Variants in ARFIP1 observed in about 807,000 individuals in gnomAD.
The protein encoded by ARFIP1 is ARF interacting protein 1.
A neutral mutation model predicts 42.5 loss-of-function variants in ARFIP1; 24 were observed. That is an observed-to-expected ratio of 0.57 (90% confidence interval 0.41 to 0.80). The LOEUF is 0.80. Ranked by LOEUF, ARFIP1 falls within the 30% of genes least tolerant of loss-of-function variation. The pLI, the probability that ARFIP1 is intolerant of heterozygous loss-of-function variation, is 0.00. For missense variants in ARFIP1, 354 were observed against 434.0 expected (o/e 0.82, Z 1.64); for synonymous variants, 141 against 153.7 (o/e 0.92, Z 0.61).
chr4:152,897,823 G>C (rs1737472070), intron 8 of ARFIP1, among the ~76,000 whole-genome samples: 2 of 152,132 alleles, frequency 1.3e-5, no homozygotes, highest in Non-Finnish European at 2.9e-5. Flanking sequence ...TGCTGTTGAT[G>C]ATGGTACTGG....
chr4:152,809,050 C>T (rs930455762), intron 1 of ARFIP1, among the ~76,000 whole-genome samples: 2 of 147,594 alleles, frequency 1.4e-5, no homozygotes, highest in African/African-American at 5.0e-5. Context: ...AGACCCGTCT[C>T]AAAAAAAAAA....
chr4:152,877,374 G>A (rs1203658533), intron 5 of ARFIP1, among the ~76,000 whole-genome samples: 2 of 152,096 alleles, frequency 1.3e-5, no homozygotes. Flanking sequence ...GATGGATTTT[G>A]GACTACATGG....
intron 1 of ARFIP1, among the ~76,000 whole-genome samples, chr4:152,799,734 C>A (rs1403460375): frequency 1.3e-5 from 2 of 151,942 alleles, no homozygotes; most frequent in Non-Finnish European, 2.9e-5. Flanking sequence ...CTGAATCTAT[C>A]CTGTTGAGAG....
chr4:152,901,348 G>T (rs558268866), intron 8 of ARFIP1, among the ~76,000 whole-genome samples: 1 of 152,272 alleles, frequency 6.6e-6, no homozygotes, highest in Non-Finnish European at 1.5e-5. Context: ...TCATCTATCA[G>T]TTCTGCTCTT....
rs150569697 is a variant in ARFIP1, at chr4:152,871,756, T to C, written c.299-696T>C. The stretch of plus-strand genomic sequence containing the variant: ...AGAACTATATAGTTGTAGAGTTGCT[T>C]TCATATCAAAAATTCTTAATTGTTG... On this transcript the variant is annotated intron_variant, in intron 4 of 8. Transcript: ENST00000353617. Among the ~76,000 whole-genome samples, 812 of 152,210 alleles carry C rather than the reference T, an allele frequency of 5.3e-3. 9 individuals are homozygous for C. Among genetic ancestry groups the C allele is most frequent in the African/African-American group, 0.019 (780 of 41,558 alleles).
At chr4:152,857,162 TC>T (rs1185323252) in intron 2 of ARFIP1, among the ~76,000 whole-genome samples, 1 of 152,218 alleles carries the variant, frequency 6.6e-6, no homozygotes, top group Non-Finnish European at 1.5e-5. Context: ...AAGGGCGTTG[TC>T]CTGTGACAAG....
At chr4:152,892,598 A>G (rs1404492242) in intron 8 of ARFIP1, among the ~76,000 whole-genome samples, 1 of 152,166 alleles carries the variant, frequency 6.6e-6, no homozygotes, top group Non-Finnish European at 1.5e-5. Flanking sequence ...TATAAAATTG[A>G]TGTGTTTATA....
chr4:152,908,665 C>A (rs1738572955), intron 8 of ARFIP1, among the ~76,000 whole-genome samples: 1 of 151,976 alleles, frequency 6.6e-6, no homozygotes, highest in African/African-American at 2.4e-5. Context: ...CAATCTTTTT[C>A]TTTATAATTT....
intron 1 of ARFIP1, among the ~76,000 whole-genome samples, chr4:152,815,983 T>A (rs574598533): frequency 1.2e-3 from 180 of 151,962 alleles, no homozygotes; most frequent in African/African-American, 4.2e-3. Context: ...TGACCTCGTG[T>A]TCCGCCCGCC....
intron 1 of ARFIP1, among the ~76,000 whole-genome samples, chr4:152,792,864 G>A (rs1411515219): frequency 6.6e-6 from 1 of 152,094 alleles, no homozygotes; most frequent in Non-Finnish European, 1.5e-5. Context: ...AGAGTTGGAT[G>A]GATTTTAAAC....
intron 3 of ARFIP1, 55 bp downstream of exon 3, chr4:152,863,769 C>T: frequency 9.3e-7 from 1 of 1,080,862 alleles, no homozygotes; most frequent in Non-Finnish European, 1.4e-6. Context: ...GAGAAGTTCA[C>T]CAAATGCTAC....
At chr4:152,882,994 T>C in intron 7 of ARFIP1, 114 bp downstream of exon 7, 1 of 1,136,992 alleles carries the variant, frequency 8.8e-7, no homozygotes. Context: ...AGGAAAAAAA[T>C]GTACTGGAAA....
intron 1 of ARFIP1, among the ~76,000 whole-genome samples, chr4:152,821,687 G>A (rs1294078673): frequency 6.6e-6 from 1 of 152,156 alleles, no homozygotes; most frequent in Non-Finnish European, 1.5e-5. Flanking sequence ...AGGGCATATA[G>A]TCATCAGGCT....
At chr4:152,781,569 C>G (rs150247768) in intron 1 of ARFIP1, among the ~76,000 whole-genome samples, 1 of 152,176 alleles carries the variant, frequency 6.6e-6, no homozygotes, top group Admixed American at 6.5e-5. Context: ...TCTCTCAGAG[C>G]GGCTACAGAT....
rs1048731931 is a variant in ARFIP1, at chr4:152,828,185, T to C, written c.-9-1440T>C. 3.9e-5 allele frequency among the ~76,000 whole-genome samples: 6 copies of C among 152,248 alleles called. No homozygotes were observed. The South Asian group carries it at 1.0e-3, about 26-fold the overall frequency. ...GCTGTAAACATCTGTGTGTAAATTT[T>C]TCTGTGGGTAAGTAAGTTTTCAGTT... is the stretch of plus-strand genomic sequence containing the variant. On this transcript the variant is annotated intron_variant, in intron 1 of 8. Transcript: ENST00000353617.
rs977764165 is a variant in ARFIP1 at position 152,910,500 on chromosome 4, C to T, written c.*281C>T. 3 of 246,282 alleles carry T rather than the reference C, an allele frequency of 1.2e-5. No homozygotes were observed. Among genetic ancestry groups the T allele is most frequent in the African/African-American group, 2.2e-5 (1 of 44,536 alleles). 15.3% of individuals were successfully genotyped at this position (246,282 alleles called of 1,614,324 possible). A position where few individuals can be genotyped will look rare whatever the true frequency, so the allele number is the denominator to read the frequency against. On this transcript the variant is annotated 3_prime_UTR_variant, in exon 9 of 9. Transcript: ENST00000353617. ...GGCTATTTCTGTAGTTTGAAAACAT[C>T]TAATAGAGATTTGCACTGACAAGAT...
At chr4:152,903,091 A>G (rs1737984339) in intron 8 of ARFIP1, among the ~76,000 whole-genome samples, 1 of 152,320 alleles carries the variant, frequency 6.6e-6, no homozygotes, top group Non-Finnish European at 1.5e-5. Context: ...AATAACCAAA[A>G]TGTTCTGAGG....
At chr4:152,902,502 G>A (rs1400993085) in intron 8 of ARFIP1, among the ~76,000 whole-genome samples, 3 of 152,110 alleles carry the variant, frequency 2.0e-5, no homozygotes, top group Non-Finnish European at 2.9e-5. Flanking sequence ...ACCCTGTCTC[G>A]GGTCTCGGGG....
intron 2 of ARFIP1, among the ~76,000 whole-genome samples, chr4:152,843,660 T>C (rs941766228): frequency 6.6e-6 from 1 of 152,122 alleles, no homozygotes; most frequent in South Asian, 2.1e-4. Flanking sequence ...GGATTATGGC[T>C]GCCTCTGCTG....
Sources: allele counts gnomAD v4.1 joint callset (sites outside exome capture counted in the v4.1 genomes callset), GRCh38; gene constraint gnomAD v4.1.1; transcripts MANE v1.5; gene names NCBI Gene and HGNC (gene_info 2026-07-23, HGNC 2026-07-21).